Variants in LSAMP observed in about 807,000 individuals in gnomAD.
LSAMP encodes limbic system-associated membrane protein.
A neutral mutation model predicts 38.6 loss-of-function variants in LSAMP; 7 were observed. That is an observed-to-expected ratio of 0.18 (90% CI 0.10 to 0.34). The LOEUF is 0.34. Among genes scored for constraint, LSAMP ranks in the 10% least tolerant of loss-of-function variants. The pLI, the probability that LSAMP is intolerant of heterozygous loss-of-function variation, is 1.00. For synonymous variants in LSAMP, 154 were observed against 166.8 expected (o/e 0.92, Z 0.59); for missense variants, 313 against 420.0 (o/e 0.75, Z 2.23).
rs1933625237 is a variant in LSAMP at position 115,806,151 on chromosome 3, CCAAATAATTA to C, written c.*4156_*4165del. 6.6e-6 allele frequency: 1 copy of C among 152,080 alleles called. No homozygotes were observed. Among genetic ancestry groups the C allele is most frequent in the South Asian group, 2.1e-4 (1 of 4,822 alleles). 9.4% of individuals were successfully genotyped at this position (152,080 alleles called of 1,614,324 possible). A position where few individuals can be genotyped will look rare whatever the true frequency, so the allele number is the denominator to read the frequency against. On this transcript the variant is annotated 3_prime_UTR_variant, in exon 7 of 7. Coordinates refer to ENST00000490035, the MANE Select transcript of LSAMP (RefSeq NM_002338.5). ...TAGTCTATAAGCAAATTTCTTTTCG[CCAAATAATTA>C]CAAAACGGAAAAAGTGGGGCTCTAT... is the stretch of plus-strand genomic sequence containing the variant.
Position 116,042,061 on chromosome 3 carries a change from C to T in LSAMP, c.389-22421G>A, listed in dbSNP as rs1249474673. Reference sequence around the variant, plus strand: ...CAATTCACTTAGAATTAATTGTGCACTAAGGTTATGGATAATGTTAGGTGA... The same window carrying T: ...CAATTCACTTAGAATTAATTGTGCATTAAGGTTATGGATAATGTTAGGTGA... On this transcript the variant is annotated intron_variant, in intron 2 of 6. Transcript: ENST00000490035. Among the ~76,000 whole-genome samples, 4 of 152,094 alleles carry T rather than the reference C, an allele frequency of 2.6e-5. No homozygotes were observed. The East Asian group carries it at 7.7e-4, about 29-fold the overall frequency.
chr3:115,951,492 G>A (rs1421676489), intron 3 of LSAMP, among the ~76,000 whole-genome samples: 2 of 152,160 alleles, frequency 1.3e-5, no homozygotes, highest in African/African-American at 4.8e-5. Flanking sequence ...TGATTGGATT[G>A]AAGGATGCAA....
chr3:115,883,693 G>A (rs528118185), intron 3 of LSAMP, among the ~76,000 whole-genome samples: 1 of 152,174 alleles, frequency 6.6e-6, no homozygotes, highest in South Asian at 2.1e-4. Context: ...GTGAAGGGGA[G>A]TAATCCTGCC....
intron 1 of LSAMP, among the ~76,000 whole-genome samples, chr3:116,137,050 C>T (rs1015101338): frequency 1.3e-5 from 2 of 152,062 alleles, no homozygotes; most frequent in African/African-American, 2.4e-5. Flanking sequence ...TTCTGGCTTC[C>T]GATAGCAGCT....
chr3:116,261,527 C>T (rs2046825704), intron 1 of LSAMP, among the ~76,000 whole-genome samples: 1 of 152,186 alleles, frequency 6.6e-6, no homozygotes, highest in African/African-American at 2.4e-5. Context: ...TTAGCTCCAT[C>T]TTTCTCATAT....
intron 2 of LSAMP, among the ~76,000 whole-genome samples, chr3:116,053,150 C>T (rs900360175): frequency 7.4e-4 from 113 of 152,330 alleles, no homozygotes; most frequent in African/African-American, 2.6e-3. Context: ...CTCAGATCCA[C>T]AGCCCTGACT....
At chr3:116,418,138 C>T (rs2049075479) in intron 1 of LSAMP, among the ~76,000 whole-genome samples, 1 of 152,138 alleles carries the variant, frequency 6.6e-6, no homozygotes, top group South Asian at 2.1e-4. Flanking sequence ...CCTGTATAGC[C>T]ACAGTTGAGC....
chr3:116,347,832 G>A (rs2048084290), intron 1 of LSAMP, among the ~76,000 whole-genome samples: 1 of 151,972 alleles, frequency 6.6e-6, no homozygotes, highest in African/African-American at 2.4e-5. Flanking sequence ...AAAGAATATG[G>A]CATGGTAGAA....
chr3:115,930,226 A>T (rs2107538834), intron 3 of LSAMP, among the ~76,000 whole-genome samples: 1 of 152,044 alleles, frequency 6.6e-6, no homozygotes, highest in African/African-American at 2.4e-5. Flanking sequence ...ACCTCCTTCA[A>T]CAAAATTACA....
chr3:116,023,333 G>A (rs1374684835), intron 2 of LSAMP, among the ~76,000 whole-genome samples: 1 of 151,746 alleles, frequency 6.6e-6, no homozygotes, highest in Non-Finnish European at 1.5e-5. Context: ...GGTGGCTCAC[G>A]CCTGTAATCC....
At chr3:116,222,218 A>G (rs1454481180) in intron 1 of LSAMP, among the ~76,000 whole-genome samples, 1 of 151,776 alleles carries the variant, frequency 6.6e-6, no homozygotes, top group Non-Finnish European at 1.5e-5. Context: ...GGGATTCCTA[A>G]GACTTCTGGC....
chr3:116,382,642 T>A (rs2048576074), intron 1 of LSAMP, among the ~76,000 whole-genome samples: 2 of 152,124 alleles, frequency 1.3e-5, no homozygotes, highest in South Asian at 4.2e-4. Context: ...CCCTAGAACT[T>A]AAAGTATAAT....
chr3:115,990,941 C>T (rs1939649123), intron 3 of LSAMP, among the ~76,000 whole-genome samples: 1 of 151,980 alleles, frequency 6.6e-6, no homozygotes, highest in Non-Finnish European at 1.5e-5. Flanking sequence ...ATAAGTAGCC[C>T]TGAATCACAT....
At chr3:115,885,485 G>C (rs768489043) in intron 3 of LSAMP, among the ~76,000 whole-genome samples, 4 of 151,768 alleles carry the variant, frequency 2.6e-5, no homozygotes, top group Non-Finnish European at 5.9e-5. Flanking sequence ...GGGAAGCTAG[G>C]TTATATTGAC....
chr3:116,377,844 T>C (rs908419120), intron 1 of LSAMP, among the ~76,000 whole-genome samples: 1 of 152,024 alleles, frequency 6.6e-6, no homozygotes, highest in African/African-American at 2.4e-5. Flanking sequence ...TTGTTTCTTT[T>C]AACCAATTAG....
chr3:116,207,158 A>G (rs1219566256), intron 1 of LSAMP, among the ~76,000 whole-genome samples: 1 of 151,840 alleles, frequency 6.6e-6, no homozygotes, highest in Non-Finnish European at 1.5e-5. Context: ...CCATTATGTA[A>G]TGGCCTTCTT....
chr3:116,016,788 G>A (rs559483425), intron 3 of LSAMP, among the ~76,000 whole-genome samples: 1 of 152,168 alleles, frequency 6.6e-6, no homozygotes, highest in Admixed American at 6.6e-5. Context: ...ATATATTTTT[G>A]CATGTCAAAG....
intron 1 of LSAMP, among the ~76,000 whole-genome samples, chr3:116,194,520 G>A (rs1245551241): frequency 2.6e-5 from 4 of 152,062 alleles, no homozygotes; most frequent in Admixed American, 6.6e-5. Context: ...TCAGCCTCCC[G>A]AGTAGCTGGG....
intron 1 of LSAMP, among the ~76,000 whole-genome samples, chr3:116,311,522 G>A (rs777857816): frequency 6.6e-6 from 1 of 152,126 alleles, no homozygotes; most frequent in South Asian, 2.1e-4. Flanking sequence ...TTTAAAAGCA[G>A]GAACAAGTTT....
Sources: gnomAD v4.1 joint callset for allele counts (sites outside exome capture counted in the v4.1 genomes callset) on GRCh38, gnomAD v4.1.1 for gene constraint, MANE v1.5 for transcripts, NCBI Gene and HGNC (gene_info 2026-07-23, HGNC 2026-07-21) for gene names.